Variants in STON1 observed in about 807,000 individuals in gnomAD.
The protein encoded by STON1 is stonin 1.
STON1 carries 79 observed loss-of-function variants against 60.9 expected under a neutral mutation model. That is an observed-to-expected ratio of 1.30 (90% CI 1.08 to 1.56). The LOEUF (loss-of-function observed/expected upper bound fraction) is 1.56. Among genes scored for constraint, STON1 ranks in the 40% most tolerant of loss-of-function variants. The pLI is 0.00. For missense variants in STON1, 1,166 were observed against 858.9 expected (o/e 1.36, Z -4.47); for synonymous variants, 363 against 306.9 (o/e 1.18, Z -1.91).
chr2:48,588,862 C>G (rs1225400577), intron 2 of STON1, among the ~76,000 whole-genome samples: 1 of 152,088 alleles, frequency 6.6e-6, no homozygotes, highest in Non-Finnish European at 1.5e-5. Flanking sequence ...GTGGGCAGGT[C>G]TTTCATTTTG....
At chr2:48,589,369 G>A (rs1289341487) in intron 2 of STON1, among the ~76,000 whole-genome samples, 2 of 152,174 alleles carry the variant, frequency 1.3e-5, no homozygotes, top group South Asian at 2.1e-4. Context: ...GTTCCCCCTG[G>A]TGGTCAGCAC....
rs551557934 is a variant in STON1 at position 48,535,461 on chromosome 2, C to A, written c.-48+5245C>A. On this transcript the variant is annotated intron_variant, in intron 1 of 3. Transcript: ENST00000404752. ...GCAAGCAGCTCCTGGGATCACTCAT[C>A]CATTCTCTTTGTGGAAGGTACCTTG... 4.0e-4 allele frequency among the ~76,000 whole-genome samples: 61 copies of A among 152,230 alleles called. No individual in the cohort carries two copies. In the South Asian group the frequency reaches 0.012, roughly 30 times the overall value.
chr2:48,590,963 A>C (rs900569411), intron 2 of STON1, among the ~76,000 whole-genome samples: 1 of 152,192 alleles, frequency 6.6e-6, no homozygotes, highest in Non-Finnish European at 1.5e-5. Flanking sequence ...GAATTTTAAA[A>C]TAATGCGACT....
rs757573907 is a variant in STON1, at chr2:48,582,397, G to A, written c.1764G>A (p.Gln588=). The A allele has an allele frequency of 5.0e-6, 8 of 1,614,060 alleles. No homozygotes were observed. The Admixed American group carries it at 1.3e-4, about 27-fold the overall frequency. ...AGGCCCTTTGGACCATGAACCTCCA[G>A]AGGCAGAAGTCTCTGAAAGCTAAAA... ...WIKALWTMNL[Q]RQKSLKAKMN... is the part of the protein sequence containing the mutation. The change falls in exon 2 of 4, where the codon CAG becomes CAA. Residue 588 remains glutamine, a synonymous_variant. Transcript: ENST00000404752.
intron 2 of STON1, among the ~76,000 whole-genome samples, chr2:48,586,160 C>T (rs536180214): frequency 4.6e-5 from 7 of 152,320 alleles, no homozygotes; most frequent in East Asian, 1.9e-4. Context: ...AGTGCAGACA[C>T]GTATGAAGCT....
At chr2:48,569,446 C>A (rs1289493868) in intron 1 of STON1, among the ~76,000 whole-genome samples, 8 of 151,770 alleles carry the variant, frequency 5.3e-5, no homozygotes, top group Non-Finnish European at 1.2e-4. Flanking sequence ...TCCAATGATT[C>A]TTTGAACTGG....
intron 1 of STON1, chr2:48,530,747 CCCT>C (rs991138296): frequency 6.6e-6 from 1 of 152,336 alleles, no homozygotes; most frequent in Non-Finnish European, 1.5e-5. Context: ...GCCCGGAGTC[CCCT>C]CCTGCCCTGG....
intron 1 of STON1, among the ~76,000 whole-genome samples, chr2:48,571,477 C>T (rs895161998): frequency 9.2e-5 from 14 of 152,270 alleles, no homozygotes; most frequent in South Asian, 8.3e-4. Context: ...GGAACAGGTA[C>T]ATATCTAGAC....
At chr2:48,552,879 C>A (rs1002862355) in intron 1 of STON1, among the ~76,000 whole-genome samples, 5 of 152,138 alleles carry the variant, frequency 3.3e-5, no homozygotes, top group African/African-American at 1.2e-4. Context: ...TTGAAAATCA[C>A]AATTTAATAT....
At chr2:48,564,298 G>A (rs932903162) in intron 1 of STON1, among the ~76,000 whole-genome samples, 2 of 151,630 alleles carry the variant, frequency 1.3e-5, no homozygotes, top group South Asian at 2.1e-4. Context: ...TAAGATCAGG[G>A]TACTAGCATG....
At chr2:48,539,225 T>A (rs7588175) in intron 1 of STON1, among the ~76,000 whole-genome samples, 1 of 152,152 alleles carries the variant, frequency 6.6e-6, no homozygotes, top group African/African-American at 2.4e-5. Flanking sequence ...GCCCTTTTTT[T>A]ATTCTTAATA....
intron 1 of STON1, among the ~76,000 whole-genome samples, chr2:48,563,738 G>C (rs1473041585): frequency 6.6e-6 from 1 of 151,400 alleles, no homozygotes; most frequent in East Asian, 2.0e-4. Context: ...CTGTGATTCA[G>C]GCTGGAGTGC....
intron 1 of STON1, 88 bp from the exon 2 acceptor site, chr2:48,580,489 TATAATTTTTA>T: frequency 4.2e-6 from 5 of 1,185,670 alleles, no homozygotes; most frequent in Non-Finnish European, 5.3e-6. Flanking sequence ...CCAACAGAAT[TATAATTTTTA>T]AGCATTTATC....
At chr2:48,590,258 G>A (rs191919014) in intron 2 of STON1, among the ~76,000 whole-genome samples, 1 of 152,194 alleles carries the variant, frequency 6.6e-6, no homozygotes, top group African/African-American at 2.4e-5. Context: ...AAGTGGTAGA[G>A]ATGGCTAATG....
In STON1 at chr2:48,591,836, G is replaced by A; in HGVS notation, c.2114G>A (p.Arg705Gln). The change falls in exon 3 of 4, where the codon CGA becomes CAA. Residue 705 changes from arginine to glutamine, a missense_variant. By Grantham distance (43) the Arg-to-Gln change is conservative. Coordinates refer to ENST00000404752, the MANE Select transcript of STON1 (RefSeq NM_006873.4). ...CAGCCACAGAAACATGTTCAGCAGC[G>A]AGCTTGCTACAACATCCAGGTACAT... ...DVQPQKHVQQ[R>Q]ACYNIQVEIE... The A allele has an allele frequency of 2.5e-6, 4 of 1,614,074 alleles. No homozygotes were observed. Among genetic ancestry groups the A allele is most frequent in the East Asian group, 2.2e-5 (1 of 44,876 alleles).
intron 1 of STON1, among the ~76,000 whole-genome samples, chr2:48,569,821 T>G (rs1294213712): frequency 6.6e-6 from 1 of 152,234 alleles, no homozygotes; most frequent in Non-Finnish European, 1.5e-5. Flanking sequence ...TTTTTTGGAT[T>G]TTGGAGTATT....
At chr2:48,534,603 G>A (rs1225690977) in intron 1 of STON1, among the ~76,000 whole-genome samples, 2 of 152,180 alleles carry the variant, frequency 1.3e-5, no homozygotes, top group African/African-American at 2.4e-5. Flanking sequence ...AGGATCACTT[G>A]AGCCCAGGGG....
intron 1 of STON1, among the ~76,000 whole-genome samples, chr2:48,545,391 A>G (rs1006668556): frequency 1.2e-4 from 19 of 152,310 alleles, no homozygotes; most frequent in African/African-American, 4.6e-4. Context: ...GTTCTGACTT[A>G]ACTGCTCACA....
chr2:48,582,639 C>A (rs967719992), intron 2 of STON1, 76 bp downstream of exon 2: 4 of 1,536,112 alleles, frequency 2.6e-6, no homozygotes, highest in Non-Finnish European at 3.5e-6. Flanking sequence ...TGGGTTGAAA[C>A]CAGGTAGAGA....
Sources: gnomAD v4.1 joint callset for allele counts (sites outside exome capture counted in the v4.1 genomes callset) on GRCh38, gnomAD v4.1.1 for gene constraint, MANE v1.5 for transcripts, NCBI Gene and HGNC (gene_info 2026-07-23, HGNC 2026-07-21) for gene names.